UXS1: variants seen among roughly 807,000 people sequenced by gnomAD.
The protein encoded by UXS1 is UDP-glucuronic acid decarboxylase 1.
A neutral mutation model predicts 62.6 loss-of-function variants in UXS1; 33 were observed. The ratio of observed to expected loss-of-function variants is 0.53; its 90% CI spans 0.40 to 0.70. The LOEUF is 0.70. UXS1 is among the 30% of genes least tolerant of loss of function. The pLI, the probability that UXS1 is intolerant of heterozygous loss-of-function variation, is 0.00. For synonymous variants in UXS1, 213 were observed against 206.8 expected, an observed-to-expected ratio of 1.03 and a Z score of -0.26; for missense variants, 434 against 556.3, an observed-to-expected ratio of 0.78 and a Z score of 2.21.
chr2:106,177,354 C>G (rs989318140), intron 1 of UXS1, among the ~76,000 whole-genome samples: 2 of 152,000 alleles, frequency 1.3e-5, no homozygotes, highest in African/African-American at 4.8e-5. Flanking sequence ...TGCTACCACA[C>G]CTGGCTAATT....
intron 1 of UXS1, among the ~76,000 whole-genome samples, chr2:106,188,811 G>A (rs1479152385): frequency 2.6e-5 from 4 of 152,154 alleles, no homozygotes; most frequent in Admixed American, 1.3e-4. Flanking sequence ...ACACAGAAAC[G>A]GGAAGGCAGC....
intron 4 of UXS1, among the ~76,000 whole-genome samples, chr2:106,162,521 T>C (rs543939971): frequency 1.3e-5 from 2 of 152,214 alleles, no homozygotes; most frequent in South Asian, 4.1e-4. Flanking sequence ...TTATTTCTTA[T>C]TGTTCCAATT....
intron 5 of UXS1, among the ~76,000 whole-genome samples, chr2:106,153,185 T>A (rs1282201736): frequency 6.6e-6 from 1 of 152,224 alleles, no homozygotes; most frequent in African/African-American, 2.4e-5. Context: ...AGAAACCTCC[T>A]GGGGTCAGAA....
chr2:106,147,651 C>A (rs974883966), intron 5 of UXS1, among the ~76,000 whole-genome samples: 1 of 152,160 alleles, frequency 6.6e-6, no homozygotes, highest in Non-Finnish European at 1.5e-5. Context: ...TTCAAAATAG[C>A]CTGTCTTTTT....
intron 8 of UXS1, among the ~76,000 whole-genome samples, chr2:106,124,966 G>A (rs1004771026): frequency 1.3e-5 from 2 of 152,064 alleles, no homozygotes; most frequent in Admixed American, 6.5e-5. Context: ...CCTGGCTTCC[G>A]CTGTATCAGC....
chr2:106,171,865 T>C (rs1393259927), intron 1 of UXS1, among the ~76,000 whole-genome samples: 1 of 152,254 alleles, frequency 6.6e-6, no homozygotes, highest in Non-Finnish European at 1.5e-5. Context: ...GGGAGACTGC[T>C]CTCCTACCCT....
intron 6 of UXS1, among the ~76,000 whole-genome samples, chr2:106,140,015 G>T (rs1275849885): frequency 6.6e-6 from 1 of 152,120 alleles, no homozygotes; most frequent in Non-Finnish European, 1.5e-5. Flanking sequence ...TTTGTCTCTA[G>T]AACCAGTATT....
intron 7 of UXS1, among the ~76,000 whole-genome samples, chr2:106,128,060 T>G (rs2104941870): frequency 1.3e-5 from 2 of 152,182 alleles, no homozygotes; most frequent in Middle Eastern, 6.8e-3. Context: ...ACGGGCACAG[T>G]GACTGCATCC....
chr2:106,166,113 G>GT, intron 1 of UXS1, 30 bp from the exon 2 acceptor site: 1 of 1,605,698 alleles, frequency 6.2e-7, no homozygotes, highest in Non-Finnish European at 8.5e-7. Context: ...GGAAGTCAAT[G>GT]TTTAAGTCCA....
intron 6 of UXS1, among the ~76,000 whole-genome samples, chr2:106,137,915 C>A (rs907364920): frequency 2.6e-5 from 4 of 152,196 alleles, no homozygotes; most frequent in African/African-American, 9.7e-5. Flanking sequence ...CTGGAGCCTG[C>A]TGCCACCTGA....
intron 10 of UXS1, among the ~76,000 whole-genome samples, chr2:106,111,708 CA>C (rs1053953251): frequency 3.9e-5 from 6 of 152,176 alleles, no homozygotes; most frequent in African/African-American, 1.4e-4. Context: ...CGTGATCAAC[CA>C]ATCAATGGGT....
At chr2:106,187,886 G>A (rs957938620) in intron 1 of UXS1, among the ~76,000 whole-genome samples, 16 of 151,988 alleles carry the variant, frequency 1.1e-4, no homozygotes, top group South Asian at 1.0e-3. Context: ...GATTACAGGC[G>A]CCCGCCACCA....
chr2:106,165,441 C>T (rs1038637396), intron 2 of UXS1, among the ~76,000 whole-genome samples: 38 of 152,218 alleles, frequency 2.5e-4, no homozygotes, highest in African/African-American at 8.7e-4. Context: ...AGCAAATTTT[C>T]CTTTACATGG....
chr2:106,129,838 C>A, intron 6 of UXS1, 60 bp from the exon 7 acceptor site: 1 of 1,081,646 alleles, frequency 9.2e-7, no homozygotes, highest in South Asian at 1.5e-5. Flanking sequence ...ATACTGACCT[C>A]CTAGGATATA....
intron 1 of UXS1, among the ~76,000 whole-genome samples, chr2:106,185,321 A>G (rs1031616677): frequency 1.3e-5 from 2 of 152,182 alleles, no homozygotes; most frequent in Non-Finnish European, 2.9e-5. Flanking sequence ...AAAATGGGAA[A>G]ATTGTTGAAA....
intron 8 of UXS1, among the ~76,000 whole-genome samples, chr2:106,123,479 A>G (rs1446276900): frequency 6.6e-6 from 1 of 151,788 alleles, no homozygotes; most frequent in Non-Finnish European, 1.5e-5. Flanking sequence ...GTATTTATTG[A>G]AAAAAAATGA....
intron 1 of UXS1, among the ~76,000 whole-genome samples, chr2:106,193,806 C>CG (rs575077798): frequency 1.3e-3 from 199 of 152,024 alleles, no homozygotes; most frequent in Middle Eastern, 3.4e-3. Context: ...AGTCCCCGAC[C>CG]GGGACCCTCG....
chr2:106,109,081 T>C (rs2104870719), intron 10 of UXS1, among the ~76,000 whole-genome samples: 1 of 152,214 alleles, frequency 6.6e-6, no homozygotes, highest in East Asian at 1.9e-4. Context: ...CCTCTGATGC[T>C]TCCTCTTAAT....
At chr2:106,129,377 G>A (rs551753498) in intron 7 of UXS1, among the ~76,000 whole-genome samples, 10 of 152,318 alleles carry the variant, frequency 6.6e-5, no homozygotes, top group African/African-American at 2.4e-4. Context: ...AGGCTGGGTG[G>A]TTGGTCACAT....
Sources: gnomAD v4.1 joint callset for allele counts (sites outside exome capture counted in the v4.1 genomes callset) on GRCh38, gnomAD v4.1.1 for gene constraint, MANE v1.5 for transcripts, NCBI Gene and HGNC (gene_info 2026-07-23, HGNC 2026-07-21) for gene names.